The following GSE1 variants were observed in gnomAD, a reference collection of about 807,000 sequenced individuals.
The protein encoded by GSE1 is Gse1 coiled-coil protein, also known as genetic suppressor element 1.
A neutral mutation model predicts 112.6 loss-of-function variants in GSE1; 32 were observed. The ratio of observed to expected loss-of-function variants is 0.28; its 90% CI spans 0.21 to 0.38. GSE1 has a LOEUF of 0.38. Ranked by LOEUF, GSE1 falls within the 10% of genes least tolerant of loss-of-function variation. GSE1 has a pLI of 1.00. For missense variants in GSE1, 2,348 were observed against 1,699.2 expected, an observed-to-expected ratio of 1.38 and a Z score of -6.71; for synonymous variants, 1,115 against 735.6, an observed-to-expected ratio of 1.52 and a Z score of -8.35.
chr16:85,361,714 G>C (rs1440741713), intron 2 of GSE1, among the ~76,000 whole-genome samples: 1 of 152,246 alleles, frequency 6.6e-6, no homozygotes, highest in Admixed American at 6.5e-5. Flanking sequence ...AGGTACAGGA[G>C]GAGCCTGTGC....
chr16:85,662,498 C>T (rs2052517449), intron 9 of GSE1: 1 of 154,184 alleles, frequency 6.5e-6, no homozygotes, highest in Non-Finnish European at 1.4e-5. Context: ...CTCCCCTACT[C>T]ACTTTGTAAA....
chr16:85,477,819 C>T (rs954991620), intron 2 of GSE1, among the ~76,000 whole-genome samples: 1 of 152,102 alleles, frequency 6.6e-6, no homozygotes, highest in Non-Finnish European at 1.5e-5. Context: ...CTCGGCCTCC[C>T]AAAGTGTTGA....
At chr16:85,247,667 G>A (rs1048143283) in intron 1 of GSE1, among the ~76,000 whole-genome samples, 4 of 152,218 alleles carry the variant, frequency 2.6e-5, no homozygotes, top group Admixed American at 6.5e-5. Context: ...GGGGCTCCCC[G>A]GCCAGCTGGC....
chr16:85,619,271 C>T (rs966938861), intron 1 of GSE1, among the ~76,000 whole-genome samples: 1 of 152,224 alleles, frequency 6.6e-6, no homozygotes, highest in African/African-American at 2.4e-5. Context: ...CCTTCCTGCG[C>T]TCGGATGGTG....
At chr16:85,524,331 G>A (rs981841229) in intron 2 of GSE1, among the ~76,000 whole-genome samples, 4 of 152,068 alleles carry the variant, frequency 2.6e-5, no homozygotes, top group Non-Finnish European at 4.4e-5. Flanking sequence ...TGCCGGCTCT[G>A]TGGCTTCAGG....
At chr16:85,661,090 T>A in intron 8 of GSE1, 56 bp from the exon 9 acceptor site, 1 of 1,496,102 alleles carries the variant, frequency 6.7e-7, no homozygotes, top group Middle Eastern at 1.8e-4. Flanking sequence ...CAGGGAAGCC[T>A]GTGGATGACT....
intron 1 of GSE1, among the ~76,000 whole-genome samples, chr16:85,599,148 C>T (rs1389671185): frequency 6.6e-6 from 1 of 152,226 alleles, no homozygotes; most frequent in African/African-American, 2.4e-5. Flanking sequence ...AATAAAATTC[C>T]CCCTTTGAGT....
intron 2 of GSE1, among the ~76,000 whole-genome samples, chr16:85,416,547 G>A (rs529397375): frequency 6.6e-6 from 1 of 152,344 alleles, no homozygotes; most frequent in East Asian, 1.9e-4. Context: ...TTGCCCTCTA[G>A]GGGGAGCCCG....
chr16:85,417,926 G>A (rs1192534856), intron 2 of GSE1, among the ~76,000 whole-genome samples: 1 of 152,152 alleles, frequency 6.6e-6, no homozygotes, highest in Admixed American at 6.6e-5. Context: ...TGCAACCTCC[G>A]CCTCCCGAGT....
At chr16:85,254,033 G>A (rs2144048720) in intron 1 of GSE1, among the ~76,000 whole-genome samples, 1 of 152,302 alleles carries the variant, frequency 6.6e-6, no homozygotes, top group Admixed American at 6.5e-5. Context: ...ATTCCCATCT[G>A]GAGAAGGATG....
chr16:85,555,559 T>G, upstream of GSE1: 4 of 963,286 alleles, frequency 4.2e-6, no homozygotes, highest in Non-Finnish European at 3.7e-6. Context: ...TCCTCTCCCC[T>G]CTCCCGCTCG....
At chr16:85,600,620 C>G (rs887358332) in intron 1 of GSE1, among the ~76,000 whole-genome samples, 1 of 151,832 alleles carries the variant, frequency 6.6e-6, no homozygotes, top group Non-Finnish European at 1.5e-5. Flanking sequence ...ACCCCAAAAA[C>G]CCAGCATTTG....
chr16:85,295,787 T>A (rs1268896173), intron 1 of GSE1, among the ~76,000 whole-genome samples: 1 of 80,100 alleles, frequency 1.2e-5, no homozygotes, highest in Non-Finnish European at 2.6e-5. Flanking sequence ...TTTTTTTTTG[T>A]AGAGATGGGG....
chr16:85,343,855 G>A lies in GSE1; in HGVS notation c.2284-13608G>A, dbSNP rs563467003. ...TGCGAATGAGATCCAGAGTCCTCCC[G>A]GGGACCTGTGGGAACCTCCAAAATG... On this transcript the variant is annotated intron_variant, in intron 1 of 2. Coordinates refer to the GSE1 transcript ENST00000637419. 1.1e-4 allele frequency among the ~76,000 whole-genome samples: 16 copies of A among 152,266 alleles called. No individual in the cohort carries two copies. The East Asian group carries it at 2.5e-3, about 24-fold the overall frequency.
At chr16:85,496,141 C>T (rs1044569758) in intron 2 of GSE1, among the ~76,000 whole-genome samples, 22 of 152,164 alleles carry the variant, frequency 1.4e-4, no homozygotes, top group Non-Finnish European at 2.5e-4. Context: ...CCCCAGGGCC[C>T]GAGCCTGCGG....
intron 1 of GSE1, among the ~76,000 whole-genome samples, chr16:85,573,971 C>CG (rs2046115290): frequency 6.6e-6 from 1 of 152,228 alleles, no homozygotes; most frequent in Non-Finnish European, 1.5e-5. Flanking sequence ...AGACGTGGCG[C>CG]CGTCTCTTTG....
At chr16:85,222,691 A>G (rs532295758) in intron 1 of GSE1, among the ~76,000 whole-genome samples, 43 of 152,304 alleles carry the variant, frequency 2.8e-4, no homozygotes, top group African/African-American at 1.0e-3. Context: ...ACGTGGCCCA[A>G]TTAAAAACGT....
intron 3 of GSE1, 146 bp from the exon 4 acceptor site, chr16:85,654,132 T>G (rs2051691754): frequency 1.8e-5 from 13 of 730,192 alleles, no homozygotes. Context: ...ATGCACCATG[T>G]TTTGCGTAGA....
chr16:85,488,714 C>A (rs2050917317), intron 2 of GSE1, among the ~76,000 whole-genome samples: 2 of 152,094 alleles, frequency 1.3e-5, no homozygotes, highest in Non-Finnish European at 1.5e-5. Flanking sequence ...AGGTGGAGAG[C>A]AGAGGACAGA....
Sources: allele counts gnomAD v4.1 joint callset (sites outside exome capture counted in the v4.1 genomes callset), GRCh38; gene constraint gnomAD v4.1.1; transcripts MANE v1.5; gene names NCBI Gene and HGNC (gene_info 2026-07-23, HGNC 2026-07-21).